Variants in AASDH observed in about 807,000 individuals in gnomAD.
AASDH encodes beta-alanine-activating enzyme.
In AASDH, 81 loss-of-function variants were observed where a neutral mutation model predicts 102.3. That is an observed-to-expected ratio of 0.79 (90% CI 0.66 to 0.95). The LOEUF (loss-of-function observed/expected upper bound fraction) is 0.95, where lower values mean the gene tolerates loss of function less well. Among genes scored for constraint, AASDH ranks in the 40% least tolerant of loss-of-function variants. The pLI is 0.00. For missense variants in AASDH, 1,203 were observed against 1,266.2 expected (o/e 0.95, Z 0.76); for synonymous variants, 398 against 454.0 (o/e 0.88, Z 1.57).
chr4:56,379,146 C>A (rs1752694596), intron 3 of AASDH, among the ~76,000 whole-genome samples: 1 of 152,112 alleles, frequency 6.6e-6, no homozygotes, highest in Non-Finnish European at 1.5e-5. Context: ...TTCAGCCTCC[C>A]AAAGTGCTGG....
In AASDH at chr4:56,378,428, C is replaced by CAT; in HGVS notation, c.386_387dup (p.Asp130MetfsTer11). 2 of 1,608,830 alleles carry CAT rather than the reference C, an allele frequency of 1.2e-6. No homozygotes were observed. The highest frequency in any genetic ancestry group is 2.2e-5 in the East Asian group (1 of 44,842). On this transcript the variant is annotated frameshift_variant, in exon 4 of 15. Coordinates refer to ENST00000205214, the MANE Select transcript of AASDH (RefSeq NM_181806.4). LOFTEE classifies it high-confidence loss of function. ...TCATTATGTTCCACTGTAAATGTATCATAGTTCAATAATGTTTCATGAAAA... is the reference window on the plus strand; with the variant it reads ...TCATTATGTTCCACTGTAAATGTATCATATAGTTCAATAATGTTTCATGAAAA...
At chr4:56,380,839 A>G (rs1752871614) in intron 3 of AASDH, among the ~76,000 whole-genome samples, 1 of 152,176 alleles carries the variant, frequency 6.6e-6, no homozygotes, top group Non-Finnish European at 1.5e-5. Flanking sequence ...AGATGCCAGT[A>G]GCACCCCACT....
At chr4:56,346,296 C>A (rs1217921240) in intron 11 of AASDH, among the ~76,000 whole-genome samples, 1 of 151,986 alleles carries the variant, frequency 6.6e-6, no homozygotes, top group Non-Finnish European at 1.5e-5. Flanking sequence ...CTTTTTTTTC[C>A]CCTGGCAGTT....
At position 56,350,174 on chromosome 4, in the gene AASDH, G is replaced by T. The variant is rs73159995; in HGVS notation, c.1693-116C>A. 1.2e-4 allele frequency: 120 copies of T among 975,918 alleles called. No individual in the cohort carries two copies. The African/African-American group carries it at 1.6e-3, about 13-fold the overall frequency. The allele number at this position is 975,918 out of a possible 1,614,324, so 60.5% of individuals were successfully genotyped here. ...CCTACATTAATAATTAGAAATATAG[G>T]TCGGGTACAGTGGCTCACGCCTGTA... On this transcript the variant is annotated intron_variant, in intron 10 of 14. Coordinates refer to ENST00000205214, the MANE Select transcript of AASDH (RefSeq NM_181806.4).
chr4:56,371,526 T>A lies in AASDH; in HGVS notation c.786A>T (p.Val262=), dbSNP rs1043242786. 2 of 1,613,256 alleles carry A rather than the reference T, an allele frequency of 1.2e-6. No individual in the cohort carries two copies. Among genetic ancestry groups the A allele is most frequent in the Non-Finnish European group, 8.5e-7 (1 of 1,179,920 alleles). ...ATGGGAGCAACTTGACGGAAGTTGGTACAATAAGCAGAGAGGCACCACTTG... is the reference window on the plus strand; with the variant it reads ...ATGGGAGCAACTTGACGGAAGTTGGAACAATAAGCAGAGAGGCACCACTTG... The part of the protein sequence containing the change: ...ALSSGASLLI[V]PTSVKLLPSK... The change falls in exon 5 of 15, where the codon GTA becomes GTT. Residue 262 remains valine (V), a synonymous_variant. Coordinates refer to ENST00000205214, the MANE Select transcript of AASDH (RefSeq NM_181806.4).
At position 56,355,326 on chromosome 4, in the gene AASDH, TCAC is replaced by T; in HGVS notation, c.956_958del (p.Gly319del). The T allele has an allele frequency of 1.2e-6, 2 of 1,614,188 alleles. No individual in the cohort carries two copies. Among genetic ancestry groups the T allele is most frequent in the South Asian group, 1.1e-5 (1 of 91,090 alleles). ...GAGAACTGTCAATGATGGAAACGCT[TCAC>T]CACCAAGGGCTAATACTCGAAGAGA... On this transcript the variant is annotated inframe_deletion, in exon 6 of 15. Coordinates refer to ENST00000205214, the MANE Select transcript of AASDH (RefSeq NM_181806.4).
intron 11 of AASDH, 190 bp downstream of exon 11, chr4:56,349,073 C>T: frequency 1.6e-6 from 1 of 623,766 alleles, no homozygotes; most frequent in South Asian, 2.1e-5. Context: ...AATAGCTATA[C>T]AGGTAGGTTC....
At chr4:56,346,700 G>T (rs1035714722) in intron 11 of AASDH, among the ~76,000 whole-genome samples, 1 of 152,098 alleles carries the variant, frequency 6.6e-6, no homozygotes. Context: ...ATGGGAAAAA[G>T]ATTTCAATAG....
chr4:56,359,338 T>TGCCTCCC (rs1243388682), intron 5 of AASDH, among the ~76,000 whole-genome samples: 1 of 151,974 alleles, frequency 6.6e-6, no homozygotes, highest in Non-Finnish European at 1.5e-5. Context: ...TCCTGCCTCC[T>TGCCTCCC]GCCTCCCGCC....
intron 5 of AASDH, among the ~76,000 whole-genome samples, chr4:56,358,899 T>A (rs1434641682): frequency 2.0e-5 from 3 of 152,204 alleles, no homozygotes; most frequent in Non-Finnish European, 4.4e-5. Context: ...TTATTGAAAG[T>A]GGGGTATTAC....
chr4:56,380,689 A>G (rs1013901578), intron 3 of AASDH, among the ~76,000 whole-genome samples: 1 of 152,206 alleles, frequency 6.6e-6, no homozygotes, highest in African/African-American at 2.4e-5. Flanking sequence ...CTTATATGCT[A>G]ATGCCCTCCC....
chr4:56,363,267 T>G (rs1360607303), intron 5 of AASDH, among the ~76,000 whole-genome samples: 1 of 152,226 alleles, frequency 6.6e-6, no homozygotes. Flanking sequence ...CAAGGAGGCC[T>G]GCCTGCCTCT....
At chr4:56,381,323 C>A (rs1456990748) in intron 3 of AASDH, among the ~76,000 whole-genome samples, 1 of 152,128 alleles carries the variant, frequency 6.6e-6, no homozygotes, top group Non-Finnish European at 1.5e-5. Context: ...GTAATCCCAG[C>A]ACTTTGGGAG....
intron 8 of AASDH, 88 bp from the exon 9 acceptor site, chr4:56,353,684 A>G (rs901899846): frequency 8.1e-7 from 1 of 1,236,880 alleles, no homozygotes; most frequent in African/African-American, 1.5e-5. Context: ...TGAAATCAAA[A>G]CAGCTGAATT....
chr4:56,385,994 T>TAAA (rs1005993459), intron 1 of AASDH, among the ~76,000 whole-genome samples: 2 of 152,060 alleles, frequency 1.3e-5, no homozygotes, highest in Non-Finnish European at 2.9e-5. Flanking sequence ...TTTTCATTTA[T>TAAA]ATCAACTAAT....
At chr4:56,354,994 T>C (rs538014880) in intron 6 of AASDH, among the ~76,000 whole-genome samples, 183 bp from the exon 7 acceptor site, 2 of 152,332 alleles carry the variant, frequency 1.3e-5, no homozygotes, top group South Asian at 4.1e-4. Context: ...TACTATTTAG[T>C]ACAAAAAGTT....
rs1427763843 is a variant in AASDH at position 56,349,723 on chromosome 4, A to G, written c.2028T>C (p.Asn676=). ...TCCCTCTGCTCAGTACAACAAAAGCATTAATCTCATTGTGGCAAGTGAAAG... is the reference window on the plus strand; with the variant it reads ...TCCCTCTGCTCAGTACAACAAAAGCGTTAATCTCATTGTGGCAAGTGAAAG... The part of the protein sequence containing the change: ...IMTFTCHNEI[N]AFVVLSRGSQ... Residue 676 remains asparagine, a synonymous_variant, in exon 11 of 15, where the codon AAT becomes AAC. Transcript: ENST00000205214. 1 of 1,614,236 alleles carries G rather than the reference A, an allele frequency of 6.2e-7. No individual in the cohort carries two copies. The highest frequency in any genetic ancestry group is 1.1e-5 in the South Asian group (1 of 91,086).
chr4:56,386,923 T>TA (rs1468320484), intron 1 of AASDH, among the ~76,000 whole-genome samples: 5 of 152,034 alleles, frequency 3.3e-5, no homozygotes, highest in Non-Finnish European at 7.4e-5. Context: ...ACAAAGATCT[T>TA]AAGAGTGTCA....
At chr4:56,357,821 G>C (rs1333257329) in intron 5 of AASDH, among the ~76,000 whole-genome samples, 1 of 151,646 alleles carries the variant, frequency 6.6e-6, no homozygotes, top group Non-Finnish European at 1.5e-5. Flanking sequence ...CTATAGTATG[G>C]ATCAGGACTG....
Sources: allele counts gnomAD v4.1 joint callset (sites outside exome capture counted in the v4.1 genomes callset), GRCh38; gene constraint gnomAD v4.1.1; transcripts MANE v1.5; gene names NCBI Gene and HGNC (gene_info 2026-07-23, HGNC 2026-07-21).